The following ARSB variants were observed in gnomAD, a reference collection of about 807,000 sequenced individuals.
ARSB encodes the protein arylsulfatase B.
In ARSB, 41 loss-of-function variants were observed where a neutral mutation model predicts 50.9. The observed-to-expected ratio is 0.81, with a 90% CI of 0.63 to 1.04. The LOEUF (loss-of-function observed/expected upper bound fraction) is 1.04, where lower values mean the gene tolerates loss of function less well. Ranked by LOEUF, ARSB falls within the 50% of genes least tolerant of loss-of-function variation. ARSB has a pLI of 0.00. For synonymous variants in ARSB, 269 were observed against 284.8 expected (o/e 0.94, Z 0.56); for missense variants, 672 against 693.3 (o/e 0.97, Z 0.35).
At chr5:78,939,141 T>C (rs1750773990) in intron 4 of ARSB, among the ~76,000 whole-genome samples, 1 of 152,222 alleles carries the variant, frequency 6.6e-6, no homozygotes, top group Non-Finnish European at 1.5e-5. Flanking sequence ...TCTTTGCAGA[T>C]GTATCCATGC....
intron 5 of ARSB, among the ~76,000 whole-genome samples, chr5:78,870,956 C>T (rs911578339): frequency 3.3e-5 from 5 of 152,108 alleles, no homozygotes; most frequent in African/African-American, 1.2e-4. Flanking sequence ...TGATAAGCAA[C>T]TTCAGCAAAG....
chr5:78,938,718 T>C (rs952073756), intron 4 of ARSB, among the ~76,000 whole-genome samples: 6 of 152,188 alleles, frequency 3.9e-5, no homozygotes, highest in South Asian at 2.1e-4. Context: ...GAAATTCTTA[T>C]ATGTAAGGGG....
At chr5:78,964,717 C>A in intron 2 of ARSB, 111 bp from the exon 3 acceptor site, 1 of 1,023,406 alleles carries the variant, frequency 9.8e-7, no homozygotes, top group Non-Finnish European at 1.5e-6. Flanking sequence ...CGAGGCTAAT[C>A]AAATGACAAG....
chr5:78,858,845 T>TA (rs1214744866), intron 5 of ARSB, among the ~76,000 whole-genome samples: 1 of 152,236 alleles, frequency 6.6e-6, no homozygotes, highest in Non-Finnish European at 1.5e-5. Flanking sequence ...GTTCCAGGCA[T>TA]GGTGCTAAAT....
intron 4 of ARSB, among the ~76,000 whole-genome samples, chr5:78,927,007 G>A (rs1430269338): frequency 2.0e-5 from 3 of 152,114 alleles, no homozygotes; most frequent in South Asian, 2.1e-4. Flanking sequence ...TCAGCCTCCC[G>A]AGTAGCTAGG....
intron 5 of ARSB, among the ~76,000 whole-genome samples, chr5:78,844,789 G>C (rs956059404): frequency 3.3e-5 from 5 of 151,932 alleles, no homozygotes; most frequent in African/African-American, 4.8e-5. Context: ...TTATGGGCTA[G>C]AGTATATTTC....
intron 6 of ARSB, among the ~76,000 whole-genome samples, chr5:78,787,091 CATCTATCTATCTATCT>C (rs143701672): frequency 7.8e-5 from 10 of 127,954 alleles, no homozygotes; most frequent in East Asian, 2.0e-4. Flanking sequence ...AATCGATAAC[CATCTATCTATCTATCT>C]ATCTATCTAT....
At chr5:78,889,303 G>A (rs538725757) in intron 4 of ARSB, among the ~76,000 whole-genome samples, 40 of 152,280 alleles carry the variant, frequency 2.6e-4, no homozygotes, top group African/African-American at 9.1e-4. Context: ...AAAAGACAAT[G>A]GAACCATCAG....
intron 5 of ARSB, among the ~76,000 whole-genome samples, chr5:78,861,180 G>A (rs1459845667): frequency 1.3e-5 from 2 of 152,042 alleles, no homozygotes; most frequent in Non-Finnish European, 2.9e-5. Context: ...TTCTACCAGA[G>A]GTACAAAGAG....
At chr5:78,888,034 C>A (rs1241661170) in intron 4 of ARSB, among the ~76,000 whole-genome samples, 2 of 152,212 alleles carry the variant, frequency 1.3e-5, no homozygotes, top group Non-Finnish European at 2.9e-5. Context: ...GTTCTCAGTT[C>A]TTTTCTGTGC....
intron 4 of ARSB, among the ~76,000 whole-genome samples, chr5:78,896,032 C>T (rs1412551884): frequency 6.6e-6 from 1 of 152,202 alleles, no homozygotes; most frequent in Non-Finnish European, 1.5e-5. Flanking sequence ...GATAGCAAGA[C>T]TCCCTGCGGT....
At chr5:78,780,788 TA>T in intron 7 of ARSB, 126 bp from the exon 8 acceptor site, 2 of 1,141,400 alleles carry the variant, frequency 1.8e-6, no homozygotes, top group South Asian at 2.7e-5. Context: ...GATGCGGCCC[TA>T]GATGCTGTCT....
chr5:78,812,592 A>AAAACACAC (rs138820595), intron 6 of ARSB, among the ~76,000 whole-genome samples: 1 of 144,262 alleles, frequency 6.9e-6, no homozygotes, highest in Non-Finnish European at 1.5e-5. Context: ...ATTCTGTTCA[A>AAAACACAC]ACACACACAC....
intron 3 of ARSB, among the ~76,000 whole-genome samples, chr5:78,957,969 A>G (rs1751810493): frequency 1.3e-5 from 2 of 152,040 alleles, no homozygotes; most frequent in South Asian, 4.2e-4. Flanking sequence ...AAGTTTTAAA[A>G]AAAATCAGGA....
At chr5:78,937,915 C>T (rs1189535068) in intron 4 of ARSB, among the ~76,000 whole-genome samples, 1 of 152,104 alleles carries the variant, frequency 6.6e-6, no homozygotes, top group African/African-American at 2.4e-5. Context: ...TTTCCAGGGT[C>T]ACAGAGAAGT....
chr5:78,818,598 C>CTTTTTTTTTTTTTT (rs775162579), intron 6 of ARSB, among the ~76,000 whole-genome samples: 1 of 74,170 alleles, frequency 1.3e-5, no homozygotes, highest in Non-Finnish European at 2.4e-5. Flanking sequence ...AAATAAAGCT[C>CTTTTTTTTTTTTTT]TTTTTTTTTT....
At chr5:78,925,654 G>A (rs1750010736) in intron 4 of ARSB, among the ~76,000 whole-genome samples, 1 of 152,164 alleles carries the variant, frequency 6.6e-6, no homozygotes, top group Non-Finnish European at 1.5e-5. Context: ...AGAACAGTAT[G>A]TTCTGTCGTA....
chr5:78,817,259 C>G, intron 6 of ARSB: 2 of 275,732 alleles, frequency 7.3e-6, no homozygotes, highest in Non-Finnish European at 1.1e-5. Context: ...CTTCCCTCCC[C>G]AAACCCACAC....
chr5:78,866,755 AT>A (rs751223685), intron 5 of ARSB, among the ~76,000 whole-genome samples: 9 of 152,334 alleles, frequency 5.9e-5, no homozygotes, highest in Admixed American at 1.3e-4. Flanking sequence ...TCAGGGTTCC[AT>A]TATAATAACA....
Sources: gnomAD v4.1 joint callset for allele counts (sites outside exome capture counted in the v4.1 genomes callset) on GRCh38, gnomAD v4.1.1 for gene constraint, MANE v1.5 for transcripts, NCBI Gene and HGNC (gene_info 2026-07-23, HGNC 2026-07-21) for gene names.